Variants in GLI3 observed in about 807,000 individuals in gnomAD.
GLI3 encodes the protein GLI family zinc finger 3.
GLI3 carries 20 observed loss-of-function variants against 100.8 expected under a neutral mutation model. The observed-to-expected ratio is 0.20, with a 90% CI of 0.14 to 0.29. GLI3 has a LOEUF of 0.29. GLI3 is among the 10% of genes least tolerant of loss of function. GLI3 has a pLI of 1.00. For synonymous variants in GLI3, 938 were observed against 860.5 expected, an observed-to-expected ratio of 1.09 and a Z score of -1.58; for missense variants, 2,040 against 2,128.5, an observed-to-expected ratio of 0.96 and a Z score of 0.82.
At chr7:42,078,757 T>G (rs1583537359) in intron 3 of GLI3, among the ~76,000 whole-genome samples, 1 of 132,814 alleles carries the variant, frequency 7.5e-6, no homozygotes, top group Non-Finnish European at 1.5e-5. Context: ...TGAGACGGAG[T>G]CTCACTCAGT....
At chr7:42,120,311 A>G (rs1562741154) in intron 3 of GLI3, among the ~76,000 whole-genome samples, 1 of 152,138 alleles carries the variant, frequency 6.6e-6, no homozygotes, top group Non-Finnish European at 1.5e-5. Flanking sequence ...TAAGGCCGGG[A>G]GTGAAGGTTA....
chr7:42,044,752 C>T (rs902730425), intron 6 of GLI3, among the ~76,000 whole-genome samples: 1 of 151,994 alleles, frequency 6.6e-6, no homozygotes, highest in Non-Finnish European at 1.5e-5. Flanking sequence ...AATGTAAAAC[C>T]TGTTAAAACA....
rs781368701 is a variant in GLI3 at position 42,045,559 on chromosome 7, C to T, written c.680-29G>A. 3.1e-6 allele frequency: 5 copies of T among 1,611,716 alleles called. No individual in the cohort carries two copies. The South Asian group carries it at 5.5e-5, about 18-fold the overall frequency. ...GGAGGAGACAAGAGATGTATGGTTA[C>T]TAGCGAAAGAAGGTCAACTAGAAGT... On this transcript the variant is annotated intron_variant, in intron 5 of 14. Coordinates refer to ENST00000395925, the MANE Select transcript of GLI3 (RefSeq NM_000168.6).
At chr7:42,185,908 T>C (rs376664897) in intron 2 of GLI3, among the ~76,000 whole-genome samples, 46 of 152,292 alleles carry the variant, frequency 3.0e-4, no homozygotes, top group African/African-American at 1.1e-3. Flanking sequence ...GGCTCCCTCT[T>C]TGGGCCAGGG....
At chr7:42,141,268 A>G (rs1786561222) in intron 3 of GLI3, among the ~76,000 whole-genome samples, 1 of 152,230 alleles carries the variant, frequency 6.6e-6, no homozygotes, top group Non-Finnish European at 1.5e-5. Flanking sequence ...TCGATGCCAG[A>G]TGGGTGTCAT....
chr7:42,126,446 C>A (rs1028201143), intron 3 of GLI3, among the ~76,000 whole-genome samples: 1 of 152,172 alleles, frequency 6.6e-6, no homozygotes, highest in Non-Finnish European at 1.5e-5. Context: ...TTTCAGCCAG[C>A]ATACAAGAAT....
chr7:42,113,294 G>A (rs530681169), intron 3 of GLI3: 37 of 586,012 alleles, frequency 6.3e-5, no homozygotes, highest in African/African-American at 3.9e-4. Flanking sequence ...AACGACCCCC[G>A]GACCGACCAA....
chr7:42,162,076 C>T (rs1787142138), intron 2 of GLI3, among the ~76,000 whole-genome samples: 1 of 152,164 alleles, frequency 6.6e-6, no homozygotes, highest in Non-Finnish European at 1.5e-5. Context: ...ACTGATTTTT[C>T]TAGATGAGAA....
chr7:42,257,959 T>C (rs1789102171), intron 1 of GLI3, among the ~76,000 whole-genome samples: 1 of 152,226 alleles, frequency 6.6e-6, no homozygotes, highest in South Asian at 2.1e-4. Context: ...TGTTGAACTT[T>C]GTTAAAGAGT....
intron 3 of GLI3, among the ~76,000 whole-genome samples, chr7:42,104,572 AAC>A (rs1317151042): frequency 6.6e-6 from 1 of 152,256 alleles, no homozygotes; most frequent in African/African-American, 2.4e-5. Flanking sequence ...TCATTTAATA[AAC>A]ACACATTTCT....
At chr7:42,245,895 A>G (rs1194901735) in intron 1 of GLI3, among the ~76,000 whole-genome samples, 4 of 97,048 alleles carry the variant, frequency 4.1e-5, no homozygotes, top group African/African-American at 1.5e-4. Flanking sequence ...GAGAGAAAAA[A>G]GAAAGAAAAG....
At chr7:42,093,117 A>C (rs67044966) in intron 3 of GLI3, among the ~76,000 whole-genome samples, 35,409 of 150,732 alleles carry the variant, frequency 0.23, 4,323 homozygotes, top group Admixed American at 0.36. Flanking sequence ...CCTGGCCAGG[A>C]TCTTGTTTTT....
chr7:42,180,679 T>C (rs1393386132), intron 2 of GLI3, among the ~76,000 whole-genome samples: 1 of 152,184 alleles, frequency 6.6e-6, no homozygotes. Flanking sequence ...CCCTGGCAGA[T>C]GAGAAGTCGG....
At chr7:42,143,425 T>C (rs528672818) in intron 3 of GLI3, among the ~76,000 whole-genome samples, 109 of 152,290 alleles carry the variant, frequency 7.2e-4, no homozygotes, top group Non-Finnish European at 1.3e-3. Context: ...AGTCTCAAGA[T>C]GACACTTGGA....
intron 4 of GLI3, among the ~76,000 whole-genome samples, chr7:42,062,630 G>T (rs1488154333): frequency 2.6e-5 from 4 of 151,924 alleles, no homozygotes; most frequent in African/African-American, 4.8e-5. Flanking sequence ...TCCCATCCAG[G>T]TTTGTGCATT....
In GLI3 at chr7:42,061,763, G is replaced by T. The variant is rs530571195; in HGVS notation, c.474-13067C>A. ...GGAAAAGGAGTATATGTAGTGTACT[G>T]TAGAGTGTATGTAGTGATGGGGAAC... On this transcript the variant is annotated intron_variant, in intron 4 of 14. Transcript: ENST00000395925. Among the ~76,000 whole-genome samples, 493 of 152,290 alleles carry T rather than the reference G, an allele frequency of 3.2e-3. 2 individuals are homozygous for T. The highest frequency in any genetic ancestry group is 0.011 in the African/African-American group (476 of 41,558).
At chr7:41,971,772 G>C (rs1049460533) in intron 13 of GLI3, among the ~76,000 whole-genome samples, 6 of 152,022 alleles carry the variant, frequency 3.9e-5, no homozygotes, top group African/African-American at 1.5e-4. Flanking sequence ...GTGCTCCTCT[G>C]CCTCCTCATC....
chr7:42,052,781 A>C (rs1254592799), intron 4 of GLI3, among the ~76,000 whole-genome samples: 2 of 152,212 alleles, frequency 1.3e-5, no homozygotes, highest in Non-Finnish European at 2.9e-5. Flanking sequence ...TTTCCACATT[A>C]GGCTCTCGTG....
chr7:42,246,035 A>C (rs1011324143), intron 1 of GLI3, among the ~76,000 whole-genome samples: 2 of 152,152 alleles, frequency 1.3e-5, no homozygotes, highest in African/African-American at 4.8e-5. Context: ...AATTGCTCTC[A>C]AGTTTGGGTT....
Sources: allele counts gnomAD v4.1 joint callset (sites outside exome capture counted in the v4.1 genomes callset), GRCh38; gene constraint gnomAD v4.1.1; transcripts MANE v1.5; gene names NCBI Gene and HGNC (gene_info 2026-07-23, HGNC 2026-07-21).